WIF1: variants seen among roughly 807,000 people sequenced by gnomAD.
WIF1 encodes the protein Wnt inhibitory factor 1.
Under a neutral mutation model 53.5 loss-of-function variants are expected in WIF1, and 35 were observed. The ratio of observed to expected loss-of-function variants is 0.65; its 90% confidence interval spans 0.50 to 0.87. WIF1 has a LOEUF of 0.87. Among genes scored for constraint, WIF1 ranks in the 40% least tolerant of loss-of-function variants. WIF1 has a pLI of 0.00. For missense variants in WIF1, 467 were observed against 476.8 expected, an observed-to-expected ratio of 0.98 and a Z score of 0.19; for synonymous variants, 171 against 170.4, an observed-to-expected ratio of 1.00 and a Z score of -0.03.
chr12:65,108,567 C>A (rs1883383911), intron 2 of WIF1, among the ~76,000 whole-genome samples: 1 of 152,192 alleles, frequency 6.6e-6, no homozygotes, highest in Admixed American at 6.5e-5. Flanking sequence ...ATCTCAAAGT[C>A]ATCTCTATTC....
At chr12:65,054,634 C>G (rs1306097353) in intron 9 of WIF1, among the ~76,000 whole-genome samples, 2 of 152,112 alleles carry the variant, frequency 1.3e-5, no homozygotes, top group Admixed American at 1.3e-4. Flanking sequence ...CTTACTATTA[C>G]CAGTACAGTT....
rs1330540981 is a variant in WIF1, at chr12:65,118,964, G to A, written c.288+1453C>T. Among the ~76,000 whole-genome samples, 4 of 152,110 alleles carry A rather than the reference G, an allele frequency of 2.6e-5. No homozygotes were observed. In the East Asian group the frequency reaches 7.7e-4, roughly 29 times the overall value. On this transcript the variant is annotated intron_variant, in intron 2 of 9. Coordinates refer to ENST00000286574, the MANE Select transcript of WIF1 (RefSeq NM_007191.5). ...AGTTACCAAACCCTTTCAGATGGAAGGGTGCAGTTCAAACTGCCTTTTATT... is the reference window on the plus strand; with the variant it reads ...AGTTACCAAACCCTTTCAGATGGAAAGGTGCAGTTCAAACTGCCTTTTATT...
chr12:65,055,314 G>C, intron 8 of WIF1, 101 bp from the exon 9 acceptor site: 1 of 1,314,616 alleles, frequency 7.6e-7, no homozygotes, highest in African/African-American at 1.5e-5. Flanking sequence ...TGTTAGTTTT[G>C]GCTTCATCCT....
intron 9 of WIF1, among the ~76,000 whole-genome samples, chr12:65,052,414 C>T (rs1882454044): frequency 6.6e-6 from 1 of 152,102 alleles, no homozygotes; most frequent in African/African-American, 2.4e-5. Context: ...GCTGCTTGGC[C>T]TGTGACCCAT....
chr12:65,098,455 C>T (rs968406932), intron 2 of WIF1, among the ~76,000 whole-genome samples: 1 of 152,058 alleles, frequency 6.6e-6, no homozygotes, highest in African/African-American at 2.4e-5. Flanking sequence ...ATTTCCAAAG[C>T]CCCCCAGTCA....
At chr12:65,079,282 C>A (rs1882912728) in intron 2 of WIF1, among the ~76,000 whole-genome samples, 1 of 151,546 alleles carries the variant, frequency 6.6e-6, no homozygotes, top group Admixed American at 6.6e-5. Flanking sequence ...AAAATGAACT[C>A]CTTGAGAAAC....
At chr12:65,092,904 C>G (rs115476442) in intron 2 of WIF1, among the ~76,000 whole-genome samples, 1,988 of 152,148 alleles carry the variant, frequency 0.013, 46 homozygotes, top group African/African-American at 0.045. Context: ...GACATCAACT[C>G]CTGTCTGCCT....
At chr12:65,119,182 T>C (rs1258178872) in intron 2 of WIF1, among the ~76,000 whole-genome samples, 2 of 152,226 alleles carry the variant, frequency 1.3e-5, no homozygotes, top group Admixed American at 1.3e-4. Context: ...TAATTGTTTA[T>C]GAAGTATCTA....
At chr12:65,099,609 T>C (rs1296947592) in intron 2 of WIF1, among the ~76,000 whole-genome samples, 1 of 152,212 alleles carries the variant, frequency 6.6e-6, no homozygotes, top group Non-Finnish European at 1.5e-5. Context: ...TCAAGACTGC[T>C]GGTTCAAGTG....
chr12:65,057,329 A>G (rs977442348), intron 7 of WIF1, among the ~76,000 whole-genome samples: 1 of 152,204 alleles, frequency 6.6e-6, no homozygotes, highest in Non-Finnish European at 1.5e-5. Context: ...TCTTTGCCCA[A>G]TGAGTATTAC....
intron 8 of WIF1, among the ~76,000 whole-genome samples, chr12:65,055,567 C>G (rs945209724): frequency 6.6e-6 from 1 of 152,028 alleles, no homozygotes; most frequent in Non-Finnish European, 1.5e-5. Context: ...GTCAGGAGTT[C>G]GAGATCAGCC....
At chr12:65,104,211 A>T (rs2136291623) in intron 2 of WIF1, among the ~76,000 whole-genome samples, 1 of 152,314 alleles carries the variant, frequency 6.6e-6, no homozygotes, top group South Asian at 2.1e-4. Flanking sequence ...AATCACATAA[A>T]ATTCAAGCAT....
chr12:65,098,004 G>A lies in WIF1; in HGVS notation c.289-20150C>T, dbSNP rs117227065. On this transcript the variant is annotated intron_variant, in intron 2 of 9. Coordinates refer to ENST00000286574, the MANE Select transcript of WIF1 (RefSeq NM_007191.5). ...TCTGGTGAAAAGAACTCATCTCCAAGAATGAGCCAAAGTTATAAAACAAAT... is the reference window on the plus strand; with the variant it reads ...TCTGGTGAAAAGAACTCATCTCCAAAAATGAGCCAAAGTTATAAAACAAAT... Among the ~76,000 whole-genome samples, 1,349 of 152,264 alleles carry A rather than the reference G, an allele frequency of 8.9e-3. 7 individuals carry two copies. The highest frequency in any genetic ancestry group is 0.016 in the Non-Finnish European group (1,110 of 68,002).
intron 7 of WIF1, among the ~76,000 whole-genome samples, chr12:65,060,979 G>A (rs1882602759): frequency 1.3e-5 from 2 of 152,192 alleles, no homozygotes; most frequent in African/African-American, 2.4e-5. Flanking sequence ...ACATGAAAGG[G>A]CATATTTACA....
At chr12:65,119,038 A>G (rs943838952) in intron 2 of WIF1, among the ~76,000 whole-genome samples, 4 of 152,180 alleles carry the variant, frequency 2.6e-5, no homozygotes, top group African/African-American at 9.7e-5. Context: ...TCTTTTCAAA[A>G]ATATAGAATT....
intron 7 of WIF1, among the ~76,000 whole-genome samples, chr12:65,057,463 C>A (rs12370350): frequency 6.6e-6 from 1 of 152,168 alleles, no homozygotes; most frequent in Non-Finnish European, 1.5e-5. Flanking sequence ...CCTCTGCAAT[C>A]TAGAATTTGC....
At position 65,055,232 on chromosome 12, in the gene WIF1, A is replaced by G; in HGVS notation, c.923-19T>C. 6.2e-7 allele frequency: 1 copy of G among 1,609,066 alleles called. No individual in the cohort carries two copies. Among genetic ancestry groups the G allele is most frequent in the Non-Finnish European group, 8.5e-7 (1 of 1,178,378 alleles). On this transcript the variant is annotated intron_variant, in intron 8 of 9. Transcript: ENST00000286574. ...CAGACAGCTAGAATCAAAAGAAATA[A>G]AAAGAGTATTTCCTGAGCTTTCCTT...
chr12:65,113,124 A>G (rs1183895865), intron 2 of WIF1, among the ~76,000 whole-genome samples: 2 of 152,202 alleles, frequency 1.3e-5, no homozygotes, highest in Non-Finnish European at 2.9e-5. Flanking sequence ...ACGGGAGAAC[A>G]ACTTGCCATC....
chr12:65,112,946 A>G (rs991078806), intron 2 of WIF1, among the ~76,000 whole-genome samples: 10 of 152,120 alleles, frequency 6.6e-5, no homozygotes, highest in African/African-American at 1.7e-4. Context: ...TCCTTTGGCC[A>G]CCCAGCCAAT....
Sources: allele counts gnomAD v4.1 joint callset (sites outside exome capture counted in the v4.1 genomes callset), GRCh38; gene constraint gnomAD v4.1.1; transcripts MANE v1.5; gene names NCBI Gene and HGNC (gene_info 2026-07-23, HGNC 2026-07-21).